RAB18: variants seen among roughly 807,000 people sequenced by gnomAD.
The protein encoded by RAB18 is ras-related protein Rab-18.
A neutral mutation model predicts 28.5 loss-of-function variants in RAB18; 10 were observed. That is an observed-to-expected ratio of 0.35 (90% confidence interval 0.22 to 0.60). RAB18 has a LOEUF of 0.60. Ranked by LOEUF, RAB18 falls within the 20% of genes least tolerant of loss-of-function variation. The pLI, the probability that RAB18 is intolerant of heterozygous loss-of-function variation, is 0.78. For missense variants in RAB18, 188 were observed against 244.2 expected, an observed-to-expected ratio of 0.77 and a Z score of 1.53; for synonymous variants, 93 against 86.9, an observed-to-expected ratio of 1.07 and a Z score of -0.39.
intron 6 of RAB18, among the ~76,000 whole-genome samples, chr10:27,537,030 A>T (rs1468390091): frequency 6.6e-6 from 1 of 152,178 alleles, no homozygotes; most frequent in Non-Finnish European, 1.5e-5. Flanking sequence ...TTTTAGGCTG[A>T]TTGGTATGAT....
intron 2 of RAB18, chr10:27,510,157 TA>T (rs1834297510): frequency 3.5e-6 from 2 of 564,222 alleles, no homozygotes; most frequent in African/African-American, 3.8e-5. Flanking sequence ...GATACTTTAT[TA>T]AAACTGCTAA....
At chr10:27,516,403 C>T (rs1834438204) in intron 2 of RAB18, among the ~76,000 whole-genome samples, 1 of 151,806 alleles carries the variant, frequency 6.6e-6, no homozygotes, top group Non-Finnish European at 1.5e-5. Context: ...CCTAAAAATA[C>T]AAAAATTAGC....
chr10:27,536,091 AAAAG>A (rs962328719), intron 6 of RAB18, among the ~76,000 whole-genome samples: 2 of 151,888 alleles, frequency 1.3e-5, no homozygotes, highest in African/African-American at 4.8e-5. Context: ...CAAAAAAAAA[AAAAG>A]AGAGCAATCA....
At chr10:27,519,918 A>T (rs1182525636) in intron 2 of RAB18, among the ~76,000 whole-genome samples, 2 of 152,168 alleles carry the variant, frequency 1.3e-5, no homozygotes, top group Non-Finnish European at 2.9e-5. Flanking sequence ...GACATTAGCC[A>T]TGGGTTTTTC....
chr10:27,513,442 G>A (rs769427402), intron 2 of RAB18, among the ~76,000 whole-genome samples: 38 of 152,146 alleles, frequency 2.5e-4, no homozygotes, highest in Non-Finnish European at 5.1e-4. Flanking sequence ...TAAGGAAAGT[G>A]TATTGTTACC....
Position 27,541,318 on chromosome 10 carries a change from G to A in RAB18, c.*3267G>A, listed in dbSNP as rs1407707455. 2 of 452,494 alleles carry A rather than the reference G, an allele frequency of 4.4e-6. No individual in the cohort carries two copies. The highest frequency in any genetic ancestry group is 3.1e-5 in the South Asian group (2 of 64,368). 28.0% of individuals were successfully genotyped at this position (452,494 alleles called of 1,614,324 possible). A position where few individuals can be genotyped will look rare whatever the true frequency, so the allele number is the denominator to read the frequency against. On this transcript the variant is annotated 3_prime_UTR_variant, in exon 7 of 7. Coordinates refer to ENST00000356940, the MANE Select transcript of RAB18 (RefSeq NM_021252.5). Reference sequence around the variant, plus strand: ...CAGGCTAGCTAAGTCAAGACTAGGGGCTAAGGAATATAGAATCACCCAGGT... The same window carrying A: ...CAGGCTAGCTAAGTCAAGACTAGGGACTAAGGAATATAGAATCACCCAGGT...
rs1834952515 is a variant in RAB18, at chr10:27,538,651, C to T, written c.*600C>T. 1 of 453,702 alleles carries T rather than the reference C, an allele frequency of 2.2e-6. No individual in the cohort carries two copies. Among genetic ancestry groups the T allele is most frequent in the Non-Finnish European group, 4.4e-6 (1 of 226,552 alleles). The allele number at this position is 453,702 out of a possible 1,614,324, so 28.1% of individuals were successfully genotyped here. On this transcript the variant is annotated 3_prime_UTR_variant, in exon 7 of 7. Transcript: ENST00000356940. ...AAACAGCATTGATAGGTTAAAGAAG[C>T]TTGGTATTTTTAATTTACTTCAATG... is the stretch of plus-strand genomic sequence containing the variant.
In RAB18 at chr10:27,532,523, A is replaced by T; in HGVS notation, c.203A>T (p.Glu68Val). ...CATTTTTAGGATACTGCTGGTCAAG[A>T]GAGGTTTAGAACATTAACTCCCAGC... ...KLAIWDTAGQ[E>V]RFRTLTPSYY... The change falls in exon 4 of 7, where the codon GAG (glutamate) becomes GTG (valine). Residue 68 changes from glutamate (E) to valine (V), a missense_variant. Glu to Val is a moderately radical substitution (Grantham distance 121, BLOSUM62 -2). Coordinates refer to ENST00000356940, the MANE Select transcript of RAB18 (RefSeq NM_021252.5). 6.2e-7 allele frequency: 1 copy of T among 1,604,600 alleles called. No individual in the cohort carries two copies. The highest frequency in any genetic ancestry group is 8.5e-7 in the Non-Finnish European group (1 of 1,172,402).
chr10:27,528,228 A>G (rs1211609856), intron 3 of RAB18: 4 of 431,256 alleles, frequency 9.3e-6, no homozygotes, highest in African/African-American at 6.2e-5. Context: ...TTTTAAATTT[A>G]TTTTCTAGTT....
intron 2 of RAB18, among the ~76,000 whole-genome samples, chr10:27,513,384 A>C (rs983834215): frequency 6.6e-6 from 1 of 152,160 alleles, no homozygotes; most frequent in Non-Finnish European, 1.5e-5. Context: ...CCTTGTGAAA[A>C]TTAGTGTTTT....
chr10:27,517,375 A>C (rs1430250558), intron 2 of RAB18, among the ~76,000 whole-genome samples: 1 of 152,176 alleles, frequency 6.6e-6, no homozygotes, highest in African/African-American at 2.4e-5. Flanking sequence ...AGAAAAAAAA[A>C]AGAATTTGAT....
In RAB18 at chr10:27,541,496, T is replaced by G. The variant is rs1197781306; in HGVS notation, c.*3445T>G. ...CATGTTTCTGATTGTGGTATAAAGT[T>G]TGCTTAAGTGCCCCTTAGTTAAAGC... On this transcript the variant is annotated 3_prime_UTR_variant, in exon 7 of 7. Transcript: ENST00000356940. The G allele has an allele frequency of 2.2e-6, 1 of 453,898 alleles. No individual in the cohort carries two copies. Among genetic ancestry groups the G allele is most frequent in the Non-Finnish European group, 4.4e-6 (1 of 226,772 alleles). 28.1% of individuals were successfully genotyped at this position (453,898 alleles called of 1,614,324 possible).
intron 6 of RAB18, among the ~76,000 whole-genome samples, chr10:27,536,378 C>T (rs1198356631): frequency 6.6e-6 from 1 of 152,088 alleles, no homozygotes; most frequent in Non-Finnish European, 1.5e-5. Context: ...CATAGTGAGA[C>T]CTCATCTCCA....
intron 2 of RAB18, among the ~76,000 whole-genome samples, chr10:27,512,776 T>A (rs535736018): frequency 2.6e-5 from 4 of 152,050 alleles, no homozygotes; most frequent in Non-Finnish European, 4.4e-5. Flanking sequence ...AACATACATA[T>A]AATATTAACT....
At chr10:27,520,566 T>A (rs929459319) in intron 2 of RAB18, among the ~76,000 whole-genome samples, 1 of 152,132 alleles carries the variant, frequency 6.6e-6, no homozygotes, top group Non-Finnish European at 1.5e-5. Context: ...CCTTAAGGTA[T>A]AAAGTTAGGT....
chr10:27,511,039 G>A (rs1002326514), intron 2 of RAB18, among the ~76,000 whole-genome samples: 2 of 152,096 alleles, frequency 1.3e-5, no homozygotes, highest in African/African-American at 4.8e-5. Flanking sequence ...ATACTTTAAT[G>A]TGTATTTCTT....
At chr10:27,531,587 C>A in intron 3 of RAB18, 1 of 1,182,540 alleles carries the variant, frequency 8.5e-7, no homozygotes, top group Non-Finnish European at 1.2e-6. Flanking sequence ...GGAAATAGTC[C>A]AATCCTGAAG....
chr10:27,519,713 C>T (rs1385274256), intron 2 of RAB18, among the ~76,000 whole-genome samples: 1 of 151,978 alleles, frequency 6.6e-6, no homozygotes, highest in African/African-American at 2.4e-5. Context: ...TTTCAGTAGC[C>T]ATAAGATTTA....
intron 2 of RAB18, among the ~76,000 whole-genome samples, chr10:27,524,936 C>T (rs1327591973): frequency 2.6e-5 from 4 of 152,134 alleles, no homozygotes; most frequent in Non-Finnish European, 5.9e-5. Context: ...CTACCTGTGT[C>T]TGTTGGCTTT....
Sources: allele counts gnomAD v4.1 joint callset (sites outside exome capture counted in the v4.1 genomes callset), GRCh38; gene constraint gnomAD v4.1.1; transcripts MANE v1.5; gene names NCBI Gene and HGNC (gene_info 2026-07-23, HGNC 2026-07-21).